ST3GAL3: variants seen among roughly 807,000 people sequenced by gnomAD.
The protein encoded by ST3GAL3 is ST3 beta-galactoside alpha-2,3-sialyltransferase 3.
In ST3GAL3, 21 loss-of-function variants were observed where a neutral mutation model predicts 50.1. The ratio of observed to expected loss-of-function variants is 0.42; its 90% CI spans 0.30 to 0.60. The LOEUF (loss-of-function observed/expected upper bound fraction) is 0.60, where lower values mean the gene tolerates loss of function less well. ST3GAL3 is among the 20% of genes least tolerant of loss of function. ST3GAL3 has a pLI of 0.19. For synonymous variants in ST3GAL3, 183 were observed against 190.0 expected (o/e 0.96, Z 0.30); for missense variants, 353 against 489.4 (o/e 0.72, Z 2.63).
intron 2 of ST3GAL3, chr1:43,743,443 A>G (rs1681975551): frequency 2.8e-6 from 1 of 352,768 alleles, no homozygotes; most frequent in South Asian, 2.3e-5. Flanking sequence ...GGCCCATGAA[A>G]TGCCAAGAGA....
At chr1:43,766,659 C>A (rs1215965354) in intron 2 of ST3GAL3, among the ~76,000 whole-genome samples, 1 of 151,954 alleles carries the variant, frequency 6.6e-6, no homozygotes, top group African/African-American at 2.4e-5. Flanking sequence ...GACAGAAGGC[C>A]CTAAGGTGAG....
At chr1:43,808,404 A>AGTGTT (rs1345743340) in intron 3 of ST3GAL3, among the ~76,000 whole-genome samples, 1 of 151,238 alleles carries the variant, frequency 6.6e-6, no homozygotes, top group African/African-American at 2.4e-5. Context: ...GGCTGAACTG[A>AGTGTT]GTGTTGAGCA....
chr1:43,731,677 G>A (rs995359246), intron 1 of ST3GAL3, among the ~76,000 whole-genome samples: 8 of 148,204 alleles, frequency 5.4e-5, no homozygotes, highest in East Asian at 2.0e-4. Context: ...GATTGTAGGC[G>A]TGAGCCACTG....
intron 1 of ST3GAL3, among the ~76,000 whole-genome samples, chr1:43,713,986 G>A (rs6676093): frequency 0.073 from 11,131 of 152,150 alleles, 1,361 homozygotes; most frequent in African/African-American, 0.26. Context: ...CATACGGGCC[G>A]GGTGCAGTAG....
intron 10 of ST3GAL3, 58 bp from the exon 11 acceptor site, chr1:43,920,724 T>G: frequency 6.2e-7 from 1 of 1,612,646 alleles, no homozygotes; most frequent in Non-Finnish European, 8.5e-7. Context: ...GTCTCAGCTG[T>G]CCCAGCCCTC....
chr1:43,873,934 G>A (rs536809104), intron 5 of ST3GAL3, among the ~76,000 whole-genome samples: 2 of 152,268 alleles, frequency 1.3e-5, no homozygotes, highest in South Asian at 4.2e-4. Flanking sequence ...GAGAGAAGCT[G>A]GGACTGAGCC....
chr1:43,725,338 G>A (rs756593784), intron 1 of ST3GAL3, among the ~76,000 whole-genome samples: 7 of 152,068 alleles, frequency 4.6e-5, no homozygotes, highest in Non-Finnish European at 8.8e-5. Flanking sequence ...CAAGTAGCTG[G>A]GATTATAGGC....
chr1:43,861,855 C>T (rs887500830), intron 5 of ST3GAL3, among the ~76,000 whole-genome samples: 1 of 152,086 alleles, frequency 6.6e-6, no homozygotes. Flanking sequence ...ATGGAGAAAC[C>T]CCGTCTCTAC....
At chr1:43,917,703 C>CT (rs2082310194) in intron 9 of ST3GAL3, among the ~76,000 whole-genome samples, 1 of 126,250 alleles carries the variant, frequency 7.9e-6, no homozygotes. Flanking sequence ...GAGTCTCACT[C>CT]TGTCATTCAC....
At chr1:43,740,700 T>C (rs895225973) in intron 2 of ST3GAL3, among the ~76,000 whole-genome samples, 6 of 151,824 alleles carry the variant, frequency 4.0e-5, no homozygotes, top group Non-Finnish European at 8.8e-5. Flanking sequence ...GCGAGTGGTA[T>C]AGCTACTCAG....
intron 5 of ST3GAL3, chr1:43,858,438 G>A (rs1392356368): frequency 5.2e-6 from 4 of 765,200 alleles, no homozygotes; most frequent in Non-Finnish European, 7.1e-6. Flanking sequence ...GTGAGAGCAG[G>A]CAGGCTGGCT....
chr1:43,749,107 G>A (rs1685032282), intron 2 of ST3GAL3, among the ~76,000 whole-genome samples: 1 of 152,028 alleles, frequency 6.6e-6, no homozygotes, highest in Non-Finnish European at 1.5e-5. Context: ...AGTGGGATAG[G>A]GAGTCTTTTC....
chr1:43,822,966 A>T (rs988653054), intron 4 of ST3GAL3, among the ~76,000 whole-genome samples: 2 of 152,126 alleles, frequency 1.3e-5, no homozygotes, highest in African/African-American at 4.8e-5. Flanking sequence ...CATCCTTCCA[A>T]TTGCTCACAT....
At chr1:43,757,693 G>A (rs1470956014) in intron 2 of ST3GAL3, among the ~76,000 whole-genome samples, 1 of 152,072 alleles carries the variant, frequency 6.6e-6, no homozygotes, top group African/African-American at 2.4e-5. Flanking sequence ...AAAACGCATA[G>A]AACAAAATAT....
rs112461464 is a variant in ST3GAL3 at position 43,730,190 on chromosome 1, G to A, written c.-30-6043G>A. ...ATTGTTTTCCCTAATGGAAAAGACT[G>A]AAATAAAACAGGTGATTACTTCAGC... On this transcript the variant is annotated intron_variant, in intron 1 of 11. Transcript: ENST00000347631. Among the ~76,000 whole-genome samples, 21 of 152,304 alleles carry A rather than the reference G, an allele frequency of 1.4e-4. 3 individuals are homozygous for A. Among genetic ancestry groups the A allele is most frequent in the African/African-American group, 5.1e-4 (21 of 41,582 alleles).
At chr1:43,886,862 G>A (rs902607489) in intron 5 of ST3GAL3, among the ~76,000 whole-genome samples, 1 of 152,182 alleles carries the variant, frequency 6.6e-6, no homozygotes, top group African/African-American at 2.4e-5. Context: ...TTGTTTGTTT[G>A]TTTGTTTTCA....
chr1:43,715,475 C>T (rs542984415), intron 1 of ST3GAL3, among the ~76,000 whole-genome samples: 7 of 151,724 alleles, frequency 4.6e-5, no homozygotes, highest in Admixed American at 3.9e-4. Flanking sequence ...ACTTGGGAGG[C>T]TGAGGTGGGA....
At chr1:43,921,457 G>A in intron 11 of ST3GAL3, 2 of 405,984 alleles carry the variant, frequency 4.9e-6, no homozygotes, top group Non-Finnish European at 8.7e-6. Flanking sequence ...GACCCCATGT[G>A]GAAAATCTGA....
At chr1:43,913,248 ACACT>A (rs2081238216) in intron 9 of ST3GAL3, 2 of 152,260 alleles carry the variant, frequency 1.3e-5, no homozygotes, top group Admixed American at 6.5e-5. Flanking sequence ...GGCCTCTGTG[ACACT>A]CACTATAATC....
Sources: allele counts gnomAD v4.1 joint callset (sites outside exome capture counted in the v4.1 genomes callset), GRCh38; gene constraint gnomAD v4.1.1; transcripts MANE v1.5; gene names NCBI Gene and HGNC (gene_info 2026-07-23, HGNC 2026-07-21).